The following PHACTR3 variants were observed in gnomAD, a reference collection of about 807,000 sequenced individuals.
PHACTR3 encodes the protein phosphatase and actin regulator 3, also known as protein phosphatase 1, regulatory subunit 123.
In PHACTR3, 16 loss-of-function variants were observed where a neutral mutation model predicts 66.8. The ratio of observed to expected loss-of-function variants is 0.24; its 90% CI spans 0.16 to 0.36. The LOEUF (loss-of-function observed/expected upper bound fraction) is 0.36, where lower values mean the gene tolerates loss of function less well. Ranked by LOEUF, PHACTR3 falls within the 10% of genes least tolerant of loss-of-function variation. The probability of loss-of-function intolerance (pLI) is 1.00; values close to 1 mark genes in which losing one functional copy is unlikely to be tolerated. For missense variants in PHACTR3, 647 were observed against 719.9 expected, an observed-to-expected ratio of 0.90 and a Z score of 1.16; for synonymous variants, 323 against 292.1, an observed-to-expected ratio of 1.11 and a Z score of -1.08.
intron 1 of PHACTR3, among the ~76,000 whole-genome samples, chr20:59,612,142 G>GA (rs1480827374): frequency 6.6e-6 from 1 of 152,012 alleles, no homozygotes; most frequent in Admixed American, 6.5e-5. Flanking sequence ...GAAAAAGTTT[G>GA]AAAAAAACTA....
intron 8 of PHACTR3, among the ~76,000 whole-genome samples, chr20:59,811,454 T>A (rs1666540748): frequency 2.0e-5 from 3 of 151,908 alleles, no homozygotes; most frequent in Admixed American, 2.0e-4. Flanking sequence ...AGGTCAGGAG[T>A]TCGAGACCAG....
chr20:59,612,385 G>A (rs1474000543), intron 1 of PHACTR3, among the ~76,000 whole-genome samples: 2 of 149,768 alleles, frequency 1.3e-5, no homozygotes, highest in Non-Finnish European at 1.5e-5. Flanking sequence ...TTCCAGGACA[G>A]TGTCTCACTC....
chr20:59,743,324 A>T, intron 2 of PHACTR3, 56 bp downstream of exon 2: 1 of 1,597,724 alleles, frequency 6.3e-7, no homozygotes, highest in Non-Finnish European at 8.5e-7. Context: ...CGTCCTTGGC[A>T]TGGTGCTGCG....
chr20:59,597,546 T>C (rs933290012), intron 1 of PHACTR3, among the ~76,000 whole-genome samples: 6 of 152,210 alleles, frequency 3.9e-5, no homozygotes, highest in Admixed American at 3.9e-4. Context: ...ATTTTCCTCA[T>C]TGGCTAAATG....
At chr20:59,613,855 T>G (rs2033938807) in intron 1 of PHACTR3, among the ~76,000 whole-genome samples, 1 of 152,202 alleles carries the variant, frequency 6.6e-6, no homozygotes, top group Admixed American at 6.5e-5. Flanking sequence ...CCATTCAAAT[T>G]TTATTTAACA....
chr20:59,712,101 C>T (rs372866681), intron 1 of PHACTR3, among the ~76,000 whole-genome samples: 6 of 151,902 alleles, frequency 3.9e-5, no homozygotes, highest in African/African-American at 1.5e-4. Context: ...TTCTTTTGTT[C>T]TTGATTGGTT....
intron 1 of PHACTR3, among the ~76,000 whole-genome samples, chr20:59,589,530 G>A (rs2033131198): frequency 6.6e-6 from 1 of 152,120 alleles, no homozygotes; most frequent in African/African-American, 2.4e-5. Flanking sequence ...TTTATAGCTC[G>A]GGCTACGAGA....
chr20:59,599,449 G>A (rs958805933), intron 1 of PHACTR3, among the ~76,000 whole-genome samples: 1 of 152,082 alleles, frequency 6.6e-6, no homozygotes, highest in Non-Finnish European at 1.5e-5. Flanking sequence ...CTAAGTGCCC[G>A]CAAGAAGTAG....
At chr20:59,749,022 C>A in intron 3 of PHACTR3, among the ~76,000 whole-genome samples, 1 of 152,244 alleles carries the variant, frequency 6.6e-6, no homozygotes, top group African/African-American at 2.4e-5. Flanking sequence ...TAGGGGAAAT[C>A]TACATGGGAA....
chr20:59,760,806 A>G (rs143504652), intron 4 of PHACTR3, among the ~76,000 whole-genome samples: 1 of 152,218 alleles, frequency 6.6e-6, no homozygotes, highest in African/African-American at 2.4e-5. Flanking sequence ...TGTTTCTACT[A>G]TGGGACAGGG....
At chr20:59,818,804 A>T (rs918321508) in intron 8 of PHACTR3, among the ~76,000 whole-genome samples, 1 of 152,090 alleles carries the variant, frequency 6.6e-6, no homozygotes, top group African/African-American at 2.4e-5. Flanking sequence ...TTTTATCTTC[A>T]TCACTATCAT....
chr20:59,648,077 A>G (rs1239937270), intron 1 of PHACTR3, among the ~76,000 whole-genome samples: 1 of 152,124 alleles, frequency 6.6e-6, no homozygotes, highest in East Asian at 1.9e-4. Flanking sequence ...CTGTTGAGAA[A>G]CCTACCCAGA....
rs147982898 is a variant in PHACTR3 at position 59,801,001 on chromosome 20, G to A, written c.1175-5040G>A. The stretch of plus-strand genomic sequence containing the variant: ...ACCGGCCCTCCGTCTAGTGCCATGT[G>A]TGCACCGGGCACTGCTATCTCATCA... On this transcript the variant is annotated intron_variant, in intron 7 of 12. Coordinates refer to ENST00000371015, the MANE Select transcript of PHACTR3 (RefSeq NM_080672.5). Among the ~76,000 whole-genome samples the A allele has an allele frequency of 1.3e-3, 201 of 152,280 alleles. 2 individuals carry two copies. The East Asian group carries it at 0.017, about 13-fold the overall frequency.
chr20:59,591,968 G>C (rs2033195136), intron 1 of PHACTR3, among the ~76,000 whole-genome samples: 1 of 152,120 alleles, frequency 6.6e-6, no homozygotes, highest in South Asian at 2.1e-4. Flanking sequence ...GTGGCTCTAA[G>C]AGGTCACCAG....
chr20:59,647,389 C>G (rs1601001488), intron 1 of PHACTR3, among the ~76,000 whole-genome samples: 1 of 152,272 alleles, frequency 6.6e-6, no homozygotes, highest in African/African-American at 2.4e-5. Flanking sequence ...GGTGGGGACA[C>G]AGCCAAACCA....
chr20:59,824,052 C>T (rs1282394841), intron 8 of PHACTR3, among the ~76,000 whole-genome samples: 1 of 152,196 alleles, frequency 6.6e-6, no homozygotes, highest in Non-Finnish European at 1.5e-5. Context: ...ATTTCTGCTT[C>T]AAGAAGCCTC....
At chr20:59,825,252 T>G (rs1165468524) in intron 8 of PHACTR3, among the ~76,000 whole-genome samples, 1 of 152,204 alleles carries the variant, frequency 6.6e-6, no homozygotes, top group Non-Finnish European at 1.5e-5. Flanking sequence ...GTGGTGTCTC[T>G]TTCACAGGCT....
At chr20:59,708,702 G>T (rs1601155972) in intron 1 of PHACTR3, among the ~76,000 whole-genome samples, 1 of 152,210 alleles carries the variant, frequency 6.6e-6, no homozygotes, top group Non-Finnish European at 1.5e-5. Context: ...TTTGGGTGAT[G>T]AATCATTATC....
chr20:59,793,059 AT>A (rs11478257), intron 7 of PHACTR3, among the ~76,000 whole-genome samples: 141,104 of 151,086 alleles, frequency 0.93, 66,092 homozygotes, highest in East Asian at 1. Context: ...TAATTTTTGT[AT>A]TTTTTTTTTG....
Sources: gnomAD v4.1 joint callset for allele counts (sites outside exome capture counted in the v4.1 genomes callset) on GRCh38, gnomAD v4.1.1 for gene constraint, MANE v1.5 for transcripts, NCBI Gene and HGNC (gene_info 2026-07-23, HGNC 2026-07-21) for gene names.